Variants in BRD4 observed in about 807,000 individuals in gnomAD.
BRD4 encodes bromodomain-containing protein 4.
A neutral mutation model predicts 142.1 loss-of-function variants in BRD4; 16 were observed. The observed-to-expected ratio is 0.11, with a 90% CI of 0.08 to 0.17. The LOEUF is 0.17. Ranked by LOEUF, BRD4 falls within the 10% of genes least tolerant of loss-of-function variation. The pLI, the probability that BRD4 is intolerant of heterozygous loss-of-function variation, is 1.00. For synonymous variants in BRD4, 833 were observed against 707.5 expected (o/e 1.18, Z -2.82); for missense variants, 1,424 against 1,810.9 (o/e 0.79, Z 3.88).
chr19:15,236,631 G>A lies in BRD4; in HGVS notation c.*1746C>T, dbSNP rs1052127841. ...GCCAGGGTCCACAAGGATGGGTACC[G>A]GGCTCTGCGTCACAGCTTCAGCTTG... On this transcript the variant is annotated 3_prime_UTR_variant, in exon 20 of 20. Coordinates refer to ENST00000679869, the MANE Select transcript of BRD4 (RefSeq NM_001379291.1). 4.4e-5 allele frequency: 7 copies of A among 158,144 alleles called. No homozygotes were observed. The highest frequency in any genetic ancestry group is 7.0e-5 in the Non-Finnish European group (5 of 71,578). The allele number at this position is 158,144 out of a possible 1,614,324, so 9.8% of individuals were successfully genotyped here.
chr19:15,315,293 C>A (rs556847915), intron 1 of BRD4, among the ~76,000 whole-genome samples: 1 of 152,184 alleles, frequency 6.6e-6, no homozygotes, highest in South Asian at 2.1e-4. Flanking sequence ...CTTTCTAGCA[C>A]AGGGGTATTA....
intron 11 of BRD4, chr19:15,253,162 C>G (rs2047365737): frequency 3.3e-6 from 1 of 303,186 alleles, no homozygotes; most frequent in Admixed American, 4.7e-5. Context: ...CTGCAGCACG[C>G]CAGCTCACTG....
intron 1 of BRD4, among the ~76,000 whole-genome samples, chr19:15,288,698 AAGGG>A (rs2047758634): frequency 6.6e-6 from 1 of 152,200 alleles, no homozygotes; most frequent in Non-Finnish European, 1.5e-5. Flanking sequence ...AGGGCCGCCG[AAGGG>A]AGGAAGTCAA....
intron 1 of BRD4, among the ~76,000 whole-genome samples, chr19:15,310,149 A>T (rs1156767506): frequency 6.6e-6 from 1 of 151,460 alleles, no homozygotes; most frequent in Non-Finnish European, 1.5e-5. Context: ...TGAGAAGCCC[A>T]CTGATAGGAT....
chr19:15,241,716 C>A (rs927679995), intron 14 of BRD4, among the ~76,000 whole-genome samples: 5 of 152,036 alleles, frequency 3.3e-5, no homozygotes, highest in Non-Finnish European at 7.4e-5. Context: ...CACAGCCGCA[C>A]AGCTGCCAGG....
intron 1 of BRD4, among the ~76,000 whole-genome samples, chr19:15,284,017 A>T (rs1489891147): frequency 6.6e-6 from 1 of 152,230 alleles, no homozygotes; most frequent in East Asian, 1.9e-4. Context: ...GAAAGGCAAT[A>T]GCACACAATG....
In BRD4 at chr19:15,243,293, T is replaced by C. The variant is rs751759396; in HGVS notation, c.2776A>G (p.Met926Val). 27 of 1,216,536 alleles carry C rather than the reference T, an allele frequency of 2.2e-5. No homozygotes were observed. The highest frequency in any genetic ancestry group is 3.1e-5 in the South Asian group (2 of 64,748). 75.4% of individuals were successfully genotyped at this position (1,216,536 alleles called of 1,614,324 possible). A position where few individuals can be genotyped will look rare whatever the true frequency, so the allele number is the denominator to read the frequency against. Residue 926 changes from methionine to valine, a missense_variant, in exon 14 of 20, where the codon ATG becomes GTG. Coordinates refer to ENST00000679869, the MANE Select transcript of BRD4 (RefSeq NM_001379291.1). ...TGCTGCAGGTACAGCTGCATCTGCATGGAGGTGAGGGGTGGGGCAGGTGGC... is the reference window on the plus strand; with the variant it reads ...TGCTGCAGGTACAGCTGCATCTGCACGGAGGTGAGGGGTGGGGCAGGTGGC... ...EEPPAPPLTS[M>V]QMQLYLQQLQ... is the part of the protein sequence containing the mutation.
intron 1 of BRD4, among the ~76,000 whole-genome samples, chr19:15,330,052 C>G (rs1195934995): frequency 6.6e-6 from 1 of 152,232 alleles, no homozygotes; most frequent in African/African-American, 2.4e-5. Flanking sequence ...CACCCCAGAA[C>G]AGCCAAACAA....
At chr19:15,261,163 C>T (rs553167346) in intron 7 of BRD4, among the ~76,000 whole-genome samples, 5 of 152,266 alleles carry the variant, frequency 3.3e-5, no homozygotes, top group Non-Finnish European at 2.9e-5. Flanking sequence ...CCACTGCCAC[C>T]GGGTGGCCCT....
chr19:15,283,763 C>A (rs773883865), intron 1 of BRD4, among the ~76,000 whole-genome samples: 1 of 152,224 alleles, frequency 6.6e-6, no homozygotes, highest in Non-Finnish European at 1.5e-5. Flanking sequence ...TATCACGCCT[C>A]TTAAGTTTCT....
Position 15,264,590 on chromosome 19 carries a change from T to C in BRD4, c.1026A>G (p.Pro342=). The C allele has an allele frequency of 1.2e-6, 2 of 1,614,206 alleles. No homozygotes were observed. Among genetic ancestry groups the C allele is most frequent in the Non-Finnish European group, 1.7e-6 (2 of 1,180,042 alleles). Residue 342 remains proline, a synonymous_variant, in exon 6 of 20, where the codon CCA becomes CCG. Transcript: ENST00000679869. Reference sequence around the variant, plus strand: ...AGACCTTGCTGCTCTTCTCTGGTGCTGGGTGCTGCTGAGAGTCGGGCACGT... The same window carrying C: ...AGACCTTGCTGCTCTTCTCTGGTGCCGGGTGCTGCTGAGAGTCGGGCACGT... ...KKDVPDSQQH[P]APEKSSKVSE...
chr19:15,326,137 G>C lies in BRD4; in HGVS notation c.-35+6153C>G, dbSNP rs115804512. On this transcript the variant is annotated intron_variant, in intron 1 of 19. Coordinates refer to ENST00000679869, the MANE Select transcript of BRD4 (RefSeq NM_001379291.1). ...AGTTAAAACGAAACATTTTGGAAAT[G>C]TTCACAATGTAGCATTAAAAAAAAA... Among the ~76,000 whole-genome samples the C allele has an allele frequency of 3.3e-3, 433 of 132,350 alleles. 3 individuals are homozygous for C. The highest frequency in any genetic ancestry group is 0.012 in the African/African-American group (415 of 35,280). 86.8% of individuals were successfully genotyped at this position (132,350 alleles called of 152,430 possible).
At chr19:15,279,720 T>C (rs1033262128) in intron 1 of BRD4, among the ~76,000 whole-genome samples, 1 of 152,182 alleles carries the variant, frequency 6.6e-6, no homozygotes, top group Non-Finnish European at 1.5e-5. Flanking sequence ...AATCTGCTGA[T>C]TGCTGGAGAT....
Position 15,332,502 on chromosome 19 carries a change from G to GCCA in BRD4, c.-248_-247insTGG, listed in dbSNP as rs2048172118. The GCCA allele has an allele frequency of 2.5e-5, 1 of 39,706 alleles. No homozygotes were observed. Among genetic ancestry groups the GCCA allele is most frequent in the Non-Finnish European group, 3.7e-5 (1 of 27,360 alleles). 2.5% of individuals were successfully genotyped at this position (39,706 alleles called of 1,614,324 possible). A position where few individuals can be genotyped will look rare whatever the true frequency, so the allele number is the denominator to read the frequency against. On this transcript the variant is annotated 5_prime_UTR_variant, in exon 1 of 20. Transcript: ENST00000679869. ...GCGGGAGACCAGAACAAACAGCCCAGCCGCCGCCGCCGCCGCCGCCGCCGC... is the reference window on the plus strand; with the variant it reads ...GCGGGAGACCAGAACAAACAGCCCAGCCACCGCCGCCGCCGCCGCCGCCGCCGC...
At position 15,256,342 on chromosome 19, in the gene BRD4, A is replaced by G. The variant is rs2047408570; in HGVS notation, c.1552-79T>C. 3.9e-6 allele frequency: 6 copies of G among 1,541,688 alleles called. No homozygotes were observed. The East Asian group carries it at 1.4e-4, about 35-fold the overall frequency. ...ACCCAAGACCCAGGCGTCTGCTCCAAAAAACATGCGACAGCATGCACCTGG... is the reference window on the plus strand; with the variant it reads ...ACCCAAGACCCAGGCGTCTGCTCCAGAAAACATGCGACAGCATGCACCTGG... On this transcript the variant is annotated intron_variant, in intron 8 of 19. Coordinates refer to ENST00000679869, the MANE Select transcript of BRD4 (RefSeq NM_001379291.1).
chr19:15,307,636 C>G (rs2047925401), intron 1 of BRD4, among the ~76,000 whole-genome samples: 1 of 152,126 alleles, frequency 6.6e-6, no homozygotes, highest in South Asian at 2.1e-4. Context: ...GGAAAAAAGC[C>G]TGGGCGCGGA....
intron 11 of BRD4, 188 bp from the exon 12 acceptor site, chr19:15,244,950 T>C: frequency 9.8e-7 from 1 of 1,016,118 alleles, no homozygotes; most frequent in Non-Finnish European, 1.4e-6. Flanking sequence ...AGGCATCACC[T>C]ACCCACTTGC....
intron 1 of BRD4, among the ~76,000 whole-genome samples, chr19:15,315,965 TC>T (rs2048014150): frequency 7.0e-6 from 1 of 143,644 alleles, no homozygotes; most frequent in Non-Finnish European, 1.5e-5. Flanking sequence ...ACCATCCTGG[TC>T]TAACTCGATG....
In BRD4 at chr19:15,238,574, C is replaced by G. The variant is rs549457590; in HGVS notation, c.4021-129G>C. On this transcript the variant is annotated intron_variant, in intron 19 of 19. Transcript: ENST00000679869. This position sits in a 1 kb window ranked among gnomAD's most constrained non-coding sequence, Gnocchi z 7.2. ...GGCTGACCCCTCATAGCGCTCACCC[C>G]GTCCACACAGCACTCAGGGCCCTAC... 2.0e-6 allele frequency: 3 copies of G among 1,528,090 alleles called. No individual in the cohort carries two copies. The highest frequency in any genetic ancestry group is 2.6e-6 in the Non-Finnish European group (3 of 1,136,828). The allele number at this position is 1,528,090 out of a possible 1,614,324, so 94.7% of individuals were successfully genotyped here. A position where few individuals can be genotyped will look rare whatever the true frequency, so the allele number is the denominator to read the frequency against.
Sources: gnomAD v4.1 joint callset for allele counts (sites outside exome capture counted in the v4.1 genomes callset) on GRCh38, gnomAD v4.1.1 for gene constraint, Gnocchi (gnomAD v3.1) non-coding constraint, MANE v1.5 for transcripts, NCBI Gene and HGNC (gene_info 2026-07-23, HGNC 2026-07-21) for gene names.